The following TMEM132D variants were observed in gnomAD, a reference collection of about 807,000 sequenced individuals.
TMEM132D encodes transmembrane protein 132D.
A neutral mutation model predicts 62.3 loss-of-function variants in TMEM132D; 21 were observed. The observed-to-expected ratio is 0.34, with a 90% CI of 0.24 to 0.49. TMEM132D has a LOEUF of 0.49. Ranked by LOEUF, TMEM132D falls within the 20% of genes least tolerant of loss-of-function variation. The pLI is 0.99. For missense variants in TMEM132D, 1,346 were observed against 1,402.8 expected, an observed-to-expected ratio of 0.96 and a Z score of 0.65; for synonymous variants, 621 against 575.6, an observed-to-expected ratio of 1.08 and a Z score of -1.13.
Position 129,180,084 on chromosome 12 carries a change from A to G in TMEM132D, c.1443+29436T>C, listed in dbSNP as rs540966710. Among the ~76,000 whole-genome samples, 9 of 152,228 alleles carry G rather than the reference A, an allele frequency of 5.9e-5. No individual in the cohort carries two copies. In the East Asian group the frequency reaches 1.7e-3, roughly 29 times the overall value. On this transcript the variant is annotated intron_variant, in intron 5 of 8. Transcript: ENST00000422113. ...CATGGAGGTCAGAGCTGCTGTCATA[A>G]ATGGCAGAATCTGGCCTGCTGGACA...
At chr12:129,346,073 T>A (rs1303778159) in intron 3 of TMEM132D, among the ~76,000 whole-genome samples, 1 of 150,840 alleles carries the variant, frequency 6.6e-6, no homozygotes, top group Non-Finnish European at 1.5e-5. Context: ...GGTCCTGGGC[T>A]TTTTTTGGTT....
chr12:129,566,718 G>A (rs1425303803), intron 2 of TMEM132D, among the ~76,000 whole-genome samples: 3 of 152,116 alleles, frequency 2.0e-5, no homozygotes, highest in African/African-American at 7.2e-5. Context: ...CCTGATTGAG[G>A]AGAGAATTAA....
At position 129,903,065 on chromosome 12, in the gene TMEM132D, C is replaced by T. The variant is rs918930384; in HGVS notation, c.79+196G>A. On this transcript the variant is annotated intron_variant, in intron 1 of 8. Transcript: ENST00000422113. This position sits in a 1 kb window ranked among gnomAD's most constrained non-coding sequence, Gnocchi z 6.2. Reference sequence around the variant, plus strand: ...CCAAGTGCTCCAGGACAAGCACCTTCGGCCAAGGGGCGTCCGAGGAGCTTG... The same window carrying T: ...CCAAGTGCTCCAGGACAAGCACCTTTGGCCAAGGGGCGTCCGAGGAGCTTG... Among the ~76,000 whole-genome samples, 1 of 152,212 alleles carries T rather than the reference C, an allele frequency of 6.6e-6. No homozygotes were observed. The highest frequency in any genetic ancestry group is 1.5e-5 in the Non-Finnish European group (1 of 68,036).
intron 3 of TMEM132D, among the ~76,000 whole-genome samples, chr12:129,453,956 T>C (rs1277476687): frequency 1.3e-5 from 2 of 152,086 alleles, no homozygotes; most frequent in African/African-American, 4.8e-5. Context: ...GAACTGAGAG[T>C]AAGAGAAGGA....
chr12:129,769,531 C>A (rs1014828950), intron 1 of TMEM132D, among the ~76,000 whole-genome samples: 9 of 152,122 alleles, frequency 5.9e-5, no homozygotes, highest in Non-Finnish European at 8.8e-5. Flanking sequence ...ACAGCCAAAC[C>A]GTATCAGTCC....
intron 3 of TMEM132D, among the ~76,000 whole-genome samples, chr12:129,476,843 A>C (rs532961956): frequency 6.6e-6 from 1 of 152,324 alleles, no homozygotes; most frequent in East Asian, 1.9e-4. Context: ...AGGGAAGCTT[A>C]ACTCAGATTA....
chr12:129,563,019 G>A (rs1169902410), intron 2 of TMEM132D, among the ~76,000 whole-genome samples: 1 of 152,132 alleles, frequency 6.6e-6, no homozygotes, highest in African/African-American at 2.4e-5. Context: ...AACAGCAAGC[G>A]CCTTTATCTG....
intron 5 of TMEM132D, among the ~76,000 whole-genome samples, chr12:129,155,084 C>T (rs1004170459): frequency 2.6e-5 from 4 of 152,242 alleles, no homozygotes; most frequent in Admixed American, 2.0e-4. Context: ...GTATAAAGCA[C>T]ACACATCAAT....
Position 129,789,792 on chromosome 12 carries a change from G to A in TMEM132D, c.80-89094C>T, listed in dbSNP as rs1015810600. 7.2e-5 allele frequency among the ~76,000 whole-genome samples: 11 copies of A among 152,286 alleles called. No individual in the cohort carries two copies. In the East Asian group the frequency reaches 1.2e-3, roughly 16 times the overall value. On this transcript the variant is annotated intron_variant, in intron 1 of 8. Coordinates refer to ENST00000422113, the MANE Select transcript of TMEM132D (RefSeq NM_133448.3). Reference sequence around the variant, plus strand: ...GTTGCCTACATTTTCACCCTTTAGCGACACCATAGGGAGCCACACAATCTT... The same window carrying A: ...GTTGCCTACATTTTCACCCTTTAGCAACACCATAGGGAGCCACACAATCTT...
intron 1 of TMEM132D, among the ~76,000 whole-genome samples, chr12:129,711,081 TC>T (rs539287629): frequency 2.8e-4 from 42 of 152,264 alleles, no homozygotes; most frequent in African/African-American, 9.9e-4. Context: ...AAATCCCTCG[TC>T]CTTCTCAGCA....
chr12:129,460,148 G>A (rs1207684579), intron 3 of TMEM132D, among the ~76,000 whole-genome samples: 7 of 152,084 alleles, frequency 4.6e-5, no homozygotes, highest in Admixed American at 1.3e-4. Context: ...GAAATCATAC[G>A]GGTTCTACTT....
chr12:129,137,181 CCAT>C (rs1436512828), intron 5 of TMEM132D, among the ~76,000 whole-genome samples: 1 of 145,990 alleles, frequency 6.8e-6, no homozygotes, highest in Admixed American at 6.9e-5. Context: ...ATCATCACCA[CCAT>C]CATCACAATC....
At chr12:129,423,325 C>T (rs939272130) in intron 3 of TMEM132D, among the ~76,000 whole-genome samples, 2 of 151,968 alleles carry the variant, frequency 1.3e-5, no homozygotes, top group African/African-American at 4.8e-5. Flanking sequence ...GAAAATCAGC[C>T]AAGGTGGAAT....
intron 4 of TMEM132D, among the ~76,000 whole-genome samples, chr12:129,297,803 C>T (rs975906579): frequency 2.0e-5 from 3 of 152,140 alleles, no homozygotes; most frequent in Non-Finnish European, 4.4e-5. Context: ...GGCTGCACAC[C>T]TGTCACAGGT....
At chr12:129,732,697 C>G (rs1869289210) in intron 1 of TMEM132D, among the ~76,000 whole-genome samples, 1 of 152,178 alleles carries the variant, frequency 6.6e-6, no homozygotes, top group South Asian at 2.1e-4. Flanking sequence ...CCTGCAGAAC[C>G]ATGAGCCAAT....
At chr12:129,447,293 C>T (rs990515447) in intron 3 of TMEM132D, among the ~76,000 whole-genome samples, 2 of 152,204 alleles carry the variant, frequency 1.3e-5, no homozygotes, top group African/African-American at 4.8e-5. Flanking sequence ...TTGTAACTGA[C>T]ACTATTATGC....
rs907579509 is a variant in TMEM132D at position 129,362,528 on chromosome 12, T to TA, written c.1116-24712dup. ...TCTTTCATCTCCACATCATGACATT[T>TA]AAAAAAAAAACATATTCGCCTGGAA... On this transcript the variant is annotated intron_variant, in intron 3 of 8. Transcript: ENST00000422113. 5.3e-3 allele frequency among the ~76,000 whole-genome samples: 782 copies of TA among 147,360 alleles called. 7 individuals carry two copies. The highest frequency in any genetic ancestry group is 0.017 in the African/African-American group (665 of 40,214).
chr12:129,568,946 G>A (rs150745298), intron 2 of TMEM132D, among the ~76,000 whole-genome samples: 1 of 152,144 alleles, frequency 6.6e-6, no homozygotes, highest in Non-Finnish European at 1.5e-5. Context: ...ACCTGGGAGG[G>A]ATTAAATCAC....
intron 2 of TMEM132D, among the ~76,000 whole-genome samples, chr12:129,607,631 G>A (rs1878661884): frequency 6.6e-6 from 1 of 152,212 alleles, no homozygotes; most frequent in African/African-American, 2.4e-5. Flanking sequence ...AAAGGGCCAA[G>A]CCTTTTTCTG....
Sources: gnomAD v4.1 joint callset for allele counts (sites outside exome capture counted in the v4.1 genomes callset) on GRCh38, gnomAD v4.1.1 for gene constraint, Gnocchi (gnomAD v3.1) non-coding constraint, MANE v1.5 for transcripts, NCBI Gene and HGNC (gene_info 2026-07-23, HGNC 2026-07-21) for gene names.